BICRA: variants seen among roughly 807,000 people sequenced by gnomAD.
BICRA encodes BRD4 interacting chromatin remodeling complex associated protein, also known as BRD4-interacting chromatin-remodeling complex-associated protein.
Under a neutral mutation model 96.9 loss-of-function variants are expected in BICRA, and 31 were observed. The ratio of observed to expected loss-of-function variants is 0.32; its 90% confidence interval spans 0.24 to 0.43. The LOEUF (loss-of-function observed/expected upper bound fraction) is 0.43. Ranked by LOEUF, BICRA falls within the 20% of genes least tolerant of loss-of-function variation. BICRA has a pLI of 1.00. For missense variants in BICRA, 2,283 were observed against 2,190.3 expected (o/e 1.04, Z -0.84); for synonymous variants, 1,350 against 1,071.8 (o/e 1.26, Z -5.07).
intron 1 of BICRA, among the ~76,000 whole-genome samples, chr19:47,631,265 T>G (rs759369328): frequency 1.6e-4 from 25 of 152,100 alleles, no homozygotes; most frequent in Admixed American, 2.6e-4. Flanking sequence ...TCATACTCTG[T>G]CACCCAGGCT....
rs567278266 is a variant in BICRA at position 47,702,175 on chromosome 19, C to T, written c.4443C>T (p.Asp1481=). The T allele has an allele frequency of 7.0e-6, 11 of 1,582,598 alleles. No homozygotes were observed. In the South Asian group the frequency reaches 8.0e-5, roughly 11 times the overall value. ...AGCGGCGCAAGTCCGAGTCGCCCGA[C>T]GTGGACCAGGCCAGCTTCTCCAGCG... ...PAKRRKSESP[D]VDQASFSSDS... The change falls in exon 15 of 15, where the codon GAC becomes GAT. Residue 1481 remains aspartate, a synonymous_variant. Coordinates refer to ENST00000594866, the MANE Select transcript of BICRA (RefSeq NM_001394372.1).
At chr19:47,658,400 C>T (rs1422723914) in intron 1 of BICRA, among the ~76,000 whole-genome samples, 1 of 152,088 alleles carries the variant, frequency 6.6e-6, no homozygotes, top group Non-Finnish European at 1.5e-5. Flanking sequence ...GAGACAGAAG[C>T]TTCTAGGCCG....
chr19:47,611,695 G>A (rs1971909713), intron 1 of BICRA, among the ~76,000 whole-genome samples: 1 of 152,120 alleles, frequency 6.6e-6, no homozygotes. Context: ...TGTAACCTTA[G>A]GCAGGTCATT....
chr19:47,679,619 C>A lies in BICRA; in HGVS notation c.449C>A (p.Ala150Glu). Reference sequence around the variant, plus strand: ...GGCCCGACGGGCGCTGGAGGGGCAGCGGCCGTGGCTGCGGGGCCCCAAGCC... The same window carrying A: ...GGCCCGACGGGCGCTGGAGGGGCAGAGGCCGTGGCTGCGGGGCCCCAAGCC... ...GAGPTGAGGA[A>E]AVAAGPQALF... Residue 150 changes from alanine to glutamate, a missense_variant, in exon 6 of 15, where the codon GCG becomes GAG. By Grantham distance (107) the Ala-to-Glu change is moderately radical. Coordinates refer to ENST00000594866, the MANE Select transcript of BICRA (RefSeq NM_001394372.1). The A allele has an allele frequency of 6.6e-7, 1 of 1,517,474 alleles. No individual in the cohort carries two copies. The allele number at this position is 1,517,474 out of a possible 1,614,324, so 94.0% of individuals were successfully genotyped here.
chr19:47,682,199 G>GC, intron 7 of BICRA, 47 bp downstream of exon 7: 1 of 770,794 alleles, frequency 1.3e-6, no homozygotes, highest in Non-Finnish European at 2.1e-6. Flanking sequence ...ACCCAGCCTC[G>GC]CCCCTCCTGC....
intron 1 of BICRA, among the ~76,000 whole-genome samples, chr19:47,627,681 G>C (rs1484979639): frequency 1.3e-5 from 2 of 152,228 alleles, no homozygotes; most frequent in Non-Finnish European, 2.9e-5. Flanking sequence ...TGGCTTTAGA[G>C]ATTTTTGGAG....
In BICRA at chr19:47,684,007, C is replaced by T. The variant is rs1022970590; in HGVS notation, c.2283+1855C>T. ...CAGAAGTCAGCACAGGCTTTGACCT[C>T]GAACGGCCATGGTTTCACTTGCACG... On this transcript the variant is annotated intron_variant, in intron 7 of 14. Transcript: ENST00000594866. Among the ~76,000 whole-genome samples, 5 of 152,170 alleles carry T rather than the reference C, an allele frequency of 3.3e-5. No homozygotes were observed. In the East Asian group the frequency reaches 7.7e-4, roughly 23 times the overall value.
chr19:47,656,497 C>A (rs1483555267), intron 1 of BICRA, among the ~76,000 whole-genome samples: 1 of 152,178 alleles, frequency 6.6e-6, no homozygotes, highest in East Asian at 1.9e-4. Context: ...CCCCAGGAGA[C>A]ATGGTTAATG....
intron 1 of BICRA, among the ~76,000 whole-genome samples, chr19:47,616,948 C>T (rs747488854): frequency 6.6e-6 from 1 of 151,406 alleles, no homozygotes; most frequent in Non-Finnish European, 1.5e-5. Context: ...TATGTCTCAG[C>T]CTCCCGAGTA....
In BICRA at chr19:47,696,460, A is replaced by G; in HGVS notation, c.3196A>G (p.Lys1066Glu). The G allele has an allele frequency of 6.2e-7, 1 of 1,601,152 alleles. No individual in the cohort carries two copies. The highest frequency in any genetic ancestry group is 1.3e-5 in the African/African-American group (1 of 74,744). Residue 1066 changes from lysine (K) to glutamate (E), a missense_variant, in exon 11 of 15, where the codon AAA becomes GAA. Coordinates refer to ENST00000594866, the MANE Select transcript of BICRA (RefSeq NM_001394372.1). ...GKPSGLQYESKLSGLKKPPTL... is the reference protein window; with the variant it reads ...GKPSGLQYESELSGLKKPPTL... ...GCCTTTCTTCTCCCAGTATGAGAGC[A>G]AACTGAGTGGCCTGAAGAAGCCCCC...
chr19:47,680,108 C>T lies in BICRA; in HGVS notation c.938C>T (p.Ala313Val), dbSNP rs769825837. ...TCTGTGTTCGGAGGCGCGGGGGCCG[C>T]CTCGGCTCCCACCGGGACGCCCTCG... ...GNSVFGGAGA[A>V]SAPTGTPSGQ... is the part of the protein sequence containing the mutation. Residue 313 changes from alanine to valine, a missense_variant, in exon 6 of 15, where the codon GCC (alanine) becomes GTC (valine). Coordinates refer to ENST00000594866, the MANE Select transcript of BICRA (RefSeq NM_001394372.1). The T allele has an allele frequency of 5.2e-6, 8 of 1,538,682 alleles. No individual in the cohort carries two copies. The highest frequency in any genetic ancestry group is 1.2e-5 in the South Asian group (1 of 83,010).
Position 47,694,373 on chromosome 19 carries a change from A to T in BICRA, c.2542A>T (p.Ser848Cys). The change falls in exon 8 of 15, where the codon AGC becomes TGC. Residue 848 changes from serine (S) to cysteine (C), a missense_variant. By Grantham distance (112) the Ser-to-Cys change is moderately radical. Coordinates refer to ENST00000594866, the MANE Select transcript of BICRA (RefSeq NM_001394372.1). ...QNQLGVPPPA[S>C]NPAPTAPGPP... The stretch of plus-strand genomic sequence containing the variant: ...CCAGCTAGGCGTTCCCCCGCCTGCC[A>T]GCAACCCGGCCCCTACTGCCCCAGG... The T allele has an allele frequency of 1.8e-6, 2 of 1,095,484 alleles. No homozygotes were observed. Among genetic ancestry groups the T allele is most frequent in the Non-Finnish European group, 2.5e-6 (2 of 795,920 alleles). 67.9% of individuals were successfully genotyped at this position (1,095,484 alleles called of 1,614,324 possible).
intron 1 of BICRA, among the ~76,000 whole-genome samples, chr19:47,661,441 C>T (rs1025003721): frequency 6.6e-6 from 1 of 151,002 alleles, no homozygotes; most frequent in Admixed American, 6.6e-5. Context: ...GAAGGGGGTT[C>T]GCGGGGAGGA....
At chr19:47,634,179 G>A (rs532541741) in intron 1 of BICRA, among the ~76,000 whole-genome samples, 6 of 152,304 alleles carry the variant, frequency 3.9e-5, no homozygotes, top group African/African-American at 9.6e-5. Flanking sequence ...AGGCCTTGAC[G>A]GGCTCTGCAG....
intron 7 of BICRA, among the ~76,000 whole-genome samples, chr19:47,685,787 GCGCGCGC>G (rs1379314267): frequency 2.0e-5 from 1 of 51,266 alleles, no homozygotes; most frequent in East Asian, 2.1e-3. Context: ...GTGTGTGTGT[GCGCGCGC>G]GCGCGCATGC....
intron 1 of BICRA, among the ~76,000 whole-genome samples, chr19:47,637,059 T>C (rs1346309933): frequency 6.6e-6 from 1 of 152,230 alleles, no homozygotes; most frequent in Non-Finnish European, 1.5e-5. Flanking sequence ...TCACTGCTTA[T>C]TCTTCATAGC....
chr19:47,623,431 A>G (rs1000251473), intron 1 of BICRA, among the ~76,000 whole-genome samples: 40 of 152,148 alleles, frequency 2.6e-4, no homozygotes, highest in African/African-American at 9.4e-4. Flanking sequence ...TCTCCCTGTC[A>G]CAGAGGCACA....
intron 7 of BICRA, among the ~76,000 whole-genome samples, chr19:47,688,804 AT>A (rs898102420): frequency 1.1e-4 from 14 of 124,648 alleles, no homozygotes; most frequent in African/African-American, 1.8e-4. Context: ...AAAAAAAAAA[AT>A]TTTTTTTTCT....
chr19:47,629,732 A>T (rs1218526837), intron 1 of BICRA, among the ~76,000 whole-genome samples: 1 of 151,966 alleles, frequency 6.6e-6, no homozygotes, highest in Non-Finnish European at 1.5e-5. Context: ...ATCTCGACTC[A>T]CTGCAACCCC....
Sources: gnomAD v4.1 joint callset for allele counts (sites outside exome capture counted in the v4.1 genomes callset) on GRCh38, gnomAD v4.1.1 for gene constraint, MANE v1.5 for transcripts, NCBI Gene and HGNC (gene_info 2026-07-23, HGNC 2026-07-21) for gene names.